Variants in PCDHGA3 observed in about 807,000 individuals in gnomAD.
PCDHGA3 encodes the protein protocadherin gamma-A3.
Under a neutral mutation model 58.5 loss-of-function variants are expected in PCDHGA3, and 40 were observed. The observed-to-expected ratio is 0.68, with a 90% CI of 0.53 to 0.89. PCDHGA3 has a LOEUF of 0.89. Ranked by LOEUF, PCDHGA3 falls within the 40% of genes least tolerant of loss-of-function variation. PCDHGA3 has a pLI of 0.00. For missense variants in PCDHGA3, 1,223 were observed against 1,195.9 expected (o/e 1.02, Z -0.33); for synonymous variants, 530 against 525.7 (o/e 1.01, Z -0.11).
rs755093164 is a variant in PCDHGA3, at chr5:141,485,516, G to C, written c.2425-9291G>C. On this transcript the variant is annotated intron_variant, in intron 1 of 3. Coordinates refer to ENST00000253812, the MANE Select transcript of PCDHGA3 (RefSeq NM_018916.4). The surrounding 1 kb of genome is among the most constrained non-coding windows in gnomAD (Gnocchi z 5.7). Reference sequence around the variant, plus strand: ...GGAGTTTGTCACCGAAGGTCCTTTGGAAATGTACCGAGCAGAGGTAGAGAT... The same window carrying C: ...GGAGTTTGTCACCGAAGGTCCTTTGCAAATGTACCGAGCAGAGGTAGAGAT... 1 of 1,614,172 alleles carries C rather than the reference G, an allele frequency of 6.2e-7. No individual in the cohort carries two copies.
In PCDHGA3 at chr5:141,476,087, C is replaced by T. The variant is rs758610836; in HGVS notation, c.2425-18720C>T. The stretch of plus-strand genomic sequence containing the variant: ...AGCGAAATCTCAGGGACGATCTGGA[C>T]CCCGCTGAGAGGAACTGCTTTTGAG... On this transcript the variant is annotated intron_variant, in intron 1 of 3. Coordinates refer to ENST00000253812, the MANE Select transcript of PCDHGA3 (RefSeq NM_018916.4). This position sits in a 1 kb window ranked among gnomAD's most constrained non-coding sequence, Gnocchi z 7.6. 9 of 1,553,656 alleles carry T rather than the reference C, an allele frequency of 5.8e-6. No individual in the cohort carries two copies. The South Asian group carries it at 1.1e-4, about 19-fold the overall frequency.
chr5:141,431,071 A>G lies in PCDHGA3; in HGVS notation c.2425-63736A>G. The G allele has an allele frequency of 6.2e-7, 1 of 1,614,244 alleles. No homozygotes were observed. On this transcript the variant is annotated intron_variant, in intron 1 of 3. Coordinates refer to ENST00000253812, the MANE Select transcript of PCDHGA3 (RefSeq NM_018916.4). The surrounding 1 kb of genome is among the most constrained non-coding windows in gnomAD (Gnocchi z 4.8). ...GTATGGGGGCCATCAAGTGTCAATTAAATCTAGACATTCTGATGGAGGATA... is the reference window on the plus strand; with the variant it reads ...GTATGGGGGCCATCAAGTGTCAATTGAATCTAGACATTCTGATGGAGGATA...
In PCDHGA3 at chr5:141,346,356, T is replaced by C. The variant is rs147497475; in HGVS notation, c.2323T>C (p.Tyr775His). The change falls in exon 1 of 4, where the codon TAT becomes CAT. Residue 775 changes from tyrosine to histidine, a missense_variant. Physicochemically the swap from Tyr to His is moderately conservative, Grantham distance 83. This residue lies in a region of PCDHGA3 where 325 missense variants were observed against 327.5 expected (regional missense o/e 0.99). Coordinates refer to ENST00000253812, the MANE Select transcript of PCDHGA3 (RefSeq NM_018916.4). The stretch of plus-strand genomic sequence containing the variant: ...CCACCTGATTTTCCCCCAGCCCAAC[T>C]ATGCGGACACGCTCATCAGCCAGGA... The part of the protein sequence containing the change: ...KSHLIFPQPN[Y>H]ADTLISQESC... 413 of 1,614,176 alleles carry C rather than the reference T, an allele frequency of 2.6e-4. 2 individuals carry two copies. In the African/African-American group the frequency reaches 4.6e-3, roughly 18 times the overall value.
chr5:141,451,069 C>G (rs2098705799), intron 1 of PCDHGA3, among the ~76,000 whole-genome samples: 1 of 151,836 alleles, frequency 6.6e-6, no homozygotes, highest in Non-Finnish European at 1.5e-5. Flanking sequence ...ACCTTGTGAT[C>G]CACCCACCTT....
rs2099605485 is a variant in PCDHGA3 at position 141,485,030 on chromosome 5, G to A, written c.2425-9777G>A. 1 of 674,340 alleles carries A rather than the reference G, an allele frequency of 1.5e-6. No individual in the cohort carries two copies. Among genetic ancestry groups the A allele is most frequent in the East Asian group, 2.6e-5 (1 of 38,292 alleles). The allele number at this position is 674,340 out of a possible 1,614,324, so 41.8% of individuals were successfully genotyped here. A position where few individuals can be genotyped will look rare whatever the true frequency, so the allele number is the denominator to read the frequency against. ...CTACCCCGCCACCAGCAAAAACGGC[G>A]CGTAACCCTTGCGGCGCCGGCCGAA... On this transcript the variant is annotated intron_variant, in intron 1 of 3. Transcript: ENST00000253812. The surrounding 1 kb of genome is among the most constrained non-coding windows in gnomAD (Gnocchi z 5.7).
chr5:141,393,453 G>T lies in PCDHGA3; in HGVS notation c.2424+46996G>T, dbSNP rs373805221. On this transcript the variant is annotated intron_variant, in intron 1 of 3. Transcript: ENST00000253812. ...GGCTGCTCACCACCTGGTCCTCACG[G>T]CCTCGGATGGCGGCAAGCCGCCTCG... 6.6e-5 allele frequency: 107 copies of T among 1,614,038 alleles called. 2 individuals carry two copies. In the South Asian group the frequency reaches 1.0e-3, roughly 15 times the overall value.
intron 1 of PCDHGA3, among the ~76,000 whole-genome samples, chr5:141,460,888 C>T (rs530320189): frequency 1.3e-5 from 2 of 149,792 alleles, no homozygotes; most frequent in East Asian, 2.0e-4. Context: ...CATGCCTTTT[C>T]GTGGCTGAGT....
chr5:141,396,893 A>G (rs1441946913), intron 1 of PCDHGA3, among the ~76,000 whole-genome samples: 2 of 152,226 alleles, frequency 1.3e-5, no homozygotes, highest in Non-Finnish European at 1.5e-5. Flanking sequence ...AGGACAACAT[A>G]TTATTGGCAC....
Position 141,485,966 on chromosome 5 carries a change from A to T in PCDHGA3, c.2425-8841A>T. ...AGCGGGCATGGTGCTCATCCAGCTC[A>T]ATGCCTCAGACCCGGACCTGGGTCC... On this transcript the variant is annotated intron_variant, in intron 1 of 3. Coordinates refer to ENST00000253812, the MANE Select transcript of PCDHGA3 (RefSeq NM_018916.4). The surrounding 1 kb of genome is among the most constrained non-coding windows in gnomAD (Gnocchi z 5.7). 1 of 1,614,168 alleles carries T rather than the reference A, an allele frequency of 6.2e-7. No individual in the cohort carries two copies. Among genetic ancestry groups the T allele is most frequent in the Non-Finnish European group, 8.5e-7 (1 of 1,179,988 alleles).
chr5:141,444,152 A>AT (rs747671382), intron 1 of PCDHGA3, among the ~76,000 whole-genome samples: 1,130 of 33,890 alleles, frequency 0.033, 460 homozygotes, highest in Non-Finnish European at 0.038. Flanking sequence ...TGTGTACTGG[A>AT]TTTTTTTTTT....
At chr5:141,450,829 ATT>A (rs373424450) in intron 1 of PCDHGA3, among the ~76,000 whole-genome samples, 3 of 135,116 alleles carry the variant, frequency 2.2e-5, no homozygotes, top group African/African-American at 2.7e-5. Flanking sequence ...TATTATTATT[ATT>A]TTTTTTTTTT....
chr5:141,413,212 G>C, intron 1 of PCDHGA3: 2 of 1,613,268 alleles, frequency 1.2e-6, no homozygotes, highest in Middle Eastern at 1.7e-4. Flanking sequence ...GGAATCAAAG[G>C]ATTGCAGCGG....
At chr5:141,371,827 A>AT (rs1561552791) in intron 1 of PCDHGA3, 3 of 1,613,784 alleles carry the variant, frequency 1.9e-6, no homozygotes, top group Admixed American at 3.3e-5. Context: ...AGAGCCTCGG[A>AT]TCCCGACTTG....
chr5:141,397,273 T>C (rs1324330524), intron 1 of PCDHGA3, among the ~76,000 whole-genome samples: 5 of 152,184 alleles, frequency 3.3e-5, no homozygotes, highest in Non-Finnish European at 1.5e-5. Flanking sequence ...CTACATCATA[T>C]GGGCAGTATA....
intron 1 of PCDHGA3, among the ~76,000 whole-genome samples, chr5:141,443,016 G>T (rs1325670377): frequency 6.6e-6 from 1 of 152,204 alleles, no homozygotes; most frequent in East Asian, 1.9e-4. Context: ...TATGACTAAT[G>T]GAAGTTGCCA....
chr5:141,441,813 A>T, intron 1 of PCDHGA3: 1 of 365,242 alleles, frequency 2.7e-6, no homozygotes, highest in South Asian at 2.3e-5. Context: ...GCTGTACCCC[A>T]GCTCTGGAGC....
intron 1 of PCDHGA3, chr5:141,374,160 C>A: frequency 6.2e-7 from 1 of 1,612,164 alleles, no homozygotes; most frequent in Middle Eastern, 1.7e-4. Flanking sequence ...CTGTGGGGGG[C>A]CGCGGCAGCG....
chr5:141,484,757 T>C (rs2099600412), intron 1 of PCDHGA3, among the ~76,000 whole-genome samples: 1 of 151,626 alleles, frequency 6.6e-6, no homozygotes, highest in East Asian at 1.9e-4. Flanking sequence ...AATGTATATA[T>C]ATATATATGT....
At chr5:141,418,566 A>G (rs2096269931) in intron 1 of PCDHGA3, 2 of 1,614,054 alleles carry the variant, frequency 1.2e-6, no homozygotes, top group South Asian at 1.1e-5. Context: ...ATAGATGCCA[A>G]TGACAACCCC....
Sources: gnomAD v4.1 joint callset for allele counts (sites outside exome capture counted in the v4.1 genomes callset) on GRCh38, gnomAD v4.1.1 for gene constraint, gnomAD v4.1.1 regional missense constraint, Gnocchi (gnomAD v3.1) non-coding constraint, MANE v1.5 for transcripts, NCBI Gene and HGNC (gene_info 2026-07-23, HGNC 2026-07-21) for gene names.